Variants in OSBP observed in about 807,000 individuals in gnomAD.
OSBP encodes oxysterol-binding protein 1.
In OSBP, 32 loss-of-function variants were observed where a neutral mutation model predicts 96.6. That is an observed-to-expected ratio of 0.33 (90% CI 0.25 to 0.45). OSBP has a LOEUF of 0.45. Ranked by LOEUF, OSBP falls within the 20% of genes least tolerant of loss-of-function variation. The probability of loss-of-function intolerance (pLI) is 1.00; values close to 1 mark genes in which losing one functional copy is unlikely to be tolerated. For synonymous variants in OSBP, 369 were observed against 389.6 expected, an observed-to-expected ratio of 0.95 and a Z score of 0.62; for missense variants, 653 against 1,029.7, an observed-to-expected ratio of 0.63 and a Z score of 5.01.
intron 9 of OSBP, among the ~76,000 whole-genome samples, chr11:59,588,288 C>T (rs1860526811): frequency 6.6e-6 from 1 of 152,228 alleles, no homozygotes; most frequent in East Asian, 1.9e-4. Flanking sequence ...AATCCCAGCA[C>T]TTTGGGAGGC....
chr11:59,596,461 A>G (rs533868433), intron 7 of OSBP, among the ~76,000 whole-genome samples: 7 of 152,314 alleles, frequency 4.6e-5, no homozygotes, highest in Non-Finnish European at 7.3e-5. Flanking sequence ...CAGTTTCTCC[A>G]AAAGTGCCAA....
At chr11:59,605,143 ACT>A (rs1283322502) in intron 3 of OSBP, among the ~76,000 whole-genome samples, 1 of 151,714 alleles carries the variant, frequency 6.6e-6, no homozygotes, top group Non-Finnish European at 1.5e-5. Context: ...ACAAAGCGAG[ACT>A]CTGTCTCAAA....
rs1320458940 is a variant in OSBP, at chr11:59,574,611, G to C, written c.*1966C>G. On this transcript the variant is annotated 3_prime_UTR_variant, in exon 14 of 14. Coordinates refer to ENST00000263847, the MANE Select transcript of OSBP (RefSeq NM_002556.3). The stretch of plus-strand genomic sequence containing the variant: ...AAGGAAGAGAAGGGGATAAAGCAGA[G>C]AAGTCCAATTTAGTTGGGGAATTCT... 1 of 152,536 alleles carries C rather than the reference G, an allele frequency of 6.6e-6. No individual in the cohort carries two copies. Among genetic ancestry groups the C allele is most frequent in the Non-Finnish European group, 1.5e-5 (1 of 68,022 alleles). The allele number at this position is 152,536 out of a possible 1,614,324, so 9.4% of individuals were successfully genotyped here. A position where few individuals can be genotyped will look rare whatever the true frequency, so the allele number is the denominator to read the frequency against.
intron 1 of OSBP, among the ~76,000 whole-genome samples, chr11:59,613,903 G>C (rs1252706092): frequency 6.6e-6 from 1 of 152,178 alleles, no homozygotes; most frequent in Admixed American, 6.5e-5. Context: ...AGCCAATACA[G>C]TGGAGTTGAT....
Position 59,580,241 on chromosome 11 carries a change from T to C in OSBP, c.1811A>G (p.Lys604Arg), listed in dbSNP as rs1350948676. 1.9e-6 allele frequency: 3 copies of C among 1,613,070 alleles called. No homozygotes were observed. In the South Asian group the frequency reaches 3.3e-5, roughly 18 times the overall value. Residue 604 changes from lysine (K) to arginine (R), a missense_variant, in exon 11 of 14, where the codon AAG becomes AGG. Around this residue, in one of 6 missense-constraint regions of OSBP, gnomAD observed 169 missense variants for 251.5 expected, o/e 0.67. Coordinates refer to ENST00000263847, the MANE Select transcript of OSBP (RefSeq NM_002556.3). ...TTTAAGATTACACTTGTCTCCTGTC[T>C]TGTGATTCACAATATCAATTTCGCC... ...QSGEIDIVNH[K>R]TGDKCNLKFV...
chr11:59,598,583 C>T (rs182405028), intron 7 of OSBP, among the ~76,000 whole-genome samples: 98 of 152,252 alleles, frequency 6.4e-4, no homozygotes, highest in African/African-American at 2.3e-3. Context: ...TATGCAACTT[C>T]CAGGAAGTAT....
chr11:59,612,183 C>T (rs997736877), intron 1 of OSBP, among the ~76,000 whole-genome samples: 1 of 152,220 alleles, frequency 6.6e-6, no homozygotes, highest in Non-Finnish European at 1.5e-5. Context: ...TTCAATTTTT[C>T]ACATGAACTG....
At position 59,580,202 on chromosome 11, in the gene OSBP, C is replaced by A; in HGVS notation, c.1850G>T (p.Ser617Ile). The A allele has an allele frequency of 6.2e-7, 1 of 1,611,176 alleles. No individual in the cohort carries two copies. The highest frequency in any genetic ancestry group is 1.1e-5 in the South Asian group (1 of 91,016). ...DKCNLKFVPY[S>I]YFSRDVARKV... ...TCTTGCTACATCCCGAGAGAAGTAG[C>A]TATAAGGAACAAATTTAAGATTACA... Residue 617 changes from serine (S) to isoleucine (I), a missense_variant, in exon 11 of 14, where the codon AGC (serine) becomes ATC (isoleucine). By Grantham distance (142) the Ser-to-Ile change is moderately radical. This residue lies in a region of OSBP where 169 missense variants were observed against 251.5 expected (regional missense o/e 0.67). Coordinates refer to ENST00000263847, the MANE Select transcript of OSBP (RefSeq NM_002556.3).
At position 59,600,544 on chromosome 11, in the gene OSBP, G is replaced by A. The variant is rs776651990; in HGVS notation, c.1263C>T (p.Ser421=). 1.5e-5 allele frequency: 24 copies of A among 1,613,844 alleles called. No homozygotes were observed. Among genetic ancestry groups the A allele is most frequent in the Non-Finnish European group, 1.9e-5 (23 of 1,179,974 alleles). ...YKPNYSLNLW[S]IMKNCIGKEL... ...CTTTTCCAATGCAGTTCTTCATGAT[G>A]CTCCATAAATTGAGGCTATAGTTTG... Residue 421 remains serine (S), a synonymous_variant, in exon 7 of 14, where the codon AGC becomes AGT. Coordinates refer to ENST00000263847, the MANE Select transcript of OSBP (RefSeq NM_002556.3).
intron 12 of OSBP, among the ~76,000 whole-genome samples, chr11:59,577,738 G>A (rs1270830080): frequency 6.6e-6 from 1 of 152,182 alleles, no homozygotes; most frequent in Non-Finnish European, 1.5e-5. Flanking sequence ...TGATCCACCT[G>A]CCCTGGCCTC....
intron 9 of OSBP, among the ~76,000 whole-genome samples, chr11:59,587,676 A>T (rs1273083702): frequency 6.6e-6 from 1 of 152,228 alleles, no homozygotes; most frequent in Admixed American, 6.5e-5. Flanking sequence ...ATACATTTTT[A>T]AAAAGTGTTG....
intron 9 of OSBP, among the ~76,000 whole-genome samples, chr11:59,585,554 G>GC (rs1263729016): frequency 1.3e-5 from 2 of 150,810 alleles, no homozygotes; most frequent in Admixed American, 6.6e-5. Flanking sequence ...GGGGGGGTCA[G>GC]CCCCCCGCCC....
intron 3 of OSBP, among the ~76,000 whole-genome samples, chr11:59,604,396 A>G (rs1405797389): frequency 6.6e-6 from 1 of 152,188 alleles, no homozygotes; most frequent in Non-Finnish European, 1.5e-5. Flanking sequence ...AAAATTAAAA[A>G]AAGATATAAA....
intron 9 of OSBP, among the ~76,000 whole-genome samples, chr11:59,586,292 A>G (rs940486661): frequency 6.6e-6 from 1 of 152,214 alleles, no homozygotes; most frequent in African/African-American, 2.4e-5. Flanking sequence ...ACAATGAATA[A>G]TCTGGAAAGG....
chr11:59,592,131 C>T (rs543339752), intron 9 of OSBP, among the ~76,000 whole-genome samples: 1 of 152,338 alleles, frequency 6.6e-6, no homozygotes, highest in East Asian at 1.9e-4. Flanking sequence ...GTTAACATCT[C>T]AGGCATTTAC....
intron 3 of OSBP, among the ~76,000 whole-genome samples, chr11:59,605,006 A>G (rs144397895): frequency 3.3e-5 from 5 of 151,624 alleles, no homozygotes; most frequent in Non-Finnish European, 7.4e-5. Flanking sequence ...ACAAAAAATT[A>G]GTCGGGTGTG....
chr11:59,610,609 A>G lies in OSBP; in HGVS notation c.363-20T>C. 1.3e-6 allele frequency: 2 copies of G among 1,573,508 alleles called. No individual in the cohort carries two copies. ...TTTGATCTGTAATAACAAGACAAAG[A>G]CAATTTAAACAGAAAGTTGACGGTT... is the stretch of plus-strand genomic sequence containing the variant. On this transcript the variant is annotated intron_variant, in intron 1 of 13. Coordinates refer to ENST00000263847, the MANE Select transcript of OSBP (RefSeq NM_002556.3).
At chr11:59,591,475 C>T (rs1209658632) in intron 9 of OSBP, among the ~76,000 whole-genome samples, 1 of 152,096 alleles carries the variant, frequency 6.6e-6, no homozygotes, top group Non-Finnish European at 1.5e-5. Flanking sequence ...ATCTAACCTA[C>T]ACATTCCTCT....
intron 3 of OSBP, among the ~76,000 whole-genome samples, chr11:59,602,146 T>C (rs1860732330): frequency 6.6e-6 from 1 of 152,198 alleles, no homozygotes; most frequent in Non-Finnish European, 1.5e-5. Context: ...AGAGCAGGTA[T>C]GTGAACTGCA....
Sources: gnomAD v4.1 joint callset for allele counts (sites outside exome capture counted in the v4.1 genomes callset) on GRCh38, gnomAD v4.1.1 for gene constraint, gnomAD v4.1.1 regional missense constraint, MANE v1.5 for transcripts, NCBI Gene and HGNC (gene_info 2026-07-23, HGNC 2026-07-21) for gene names.